CUL9: variants seen among roughly 807,000 people sequenced by gnomAD.
CUL9 encodes the protein cullin-9.
CUL9 carries 79 observed loss-of-function variants against 272.6 expected under a neutral mutation model. That is an observed-to-expected ratio of 0.29 (90% confidence interval 0.24 to 0.35). CUL9 has a LOEUF of 0.35. CUL9 is among the 10% of genes least tolerant of loss of function. CUL9 has a pLI of 1.00. For synonymous variants in CUL9, 1,186 were observed against 1,286.5 expected (o/e 0.92, Z 1.67); for missense variants, 2,532 against 3,255.6 (o/e 0.78, Z 5.41).
intron 26 of CUL9, among the ~76,000 whole-genome samples, chr6:43,211,410 T>C (rs1265326748): frequency 1.3e-5 from 2 of 151,862 alleles, no homozygotes; most frequent in East Asian, 3.9e-4. Context: ...ATACAAAAAT[T>C]AGCCAGGCCT....
Position 43,216,506 on chromosome 6 carries a change from G to A in CUL9, c.6282+3G>A. 6.3e-7 allele frequency: 1 copy of A among 1,578,530 alleles called. No individual in the cohort carries two copies. Among genetic ancestry groups the A allele is most frequent in the South Asian group, 1.1e-5 (1 of 87,736 alleles). On this transcript the variant is annotated splice_donor_region_variant and intron_variant, in intron 31 of 40. Transcript: ENST00000252050. ...GCTGCATGCACTATTGCTGTAAGGT[G>A]AGGCCCCACCAGCATTGCTCCTGCC...
chr6:43,224,450 G>C lies in CUL9; in HGVS notation c.*5G>C. ...GAAGATGAGGCCTATGACTGAGGGG[G>C]CAGATGCAGGAAACACCTAGAGCAG... On this transcript the variant is annotated 3_prime_UTR_variant, in exon 41 of 41. Transcript: ENST00000252050. The surrounding 1 kb of genome is among the most constrained non-coding windows in gnomAD (Gnocchi z 4.2). 6.2e-7 allele frequency: 1 copy of C among 1,611,676 alleles called. No homozygotes were observed. The highest frequency in any genetic ancestry group is 8.5e-7 in the Non-Finnish European group (1 of 1,178,932).
At chr6:43,185,868 ATTT>A in intron 3 of CUL9, 84 bp from the exon 4 acceptor site, 2 of 1,499,080 alleles carry the variant, frequency 1.3e-6, no homozygotes, top group South Asian at 2.7e-5. Flanking sequence ...AGGCCTTTAT[ATTT>A]TTCTGTAGAG....
Position 43,216,434 on chromosome 6 carries a change from C to T in CUL9, c.6213C>T (p.Pro2071=), listed in dbSNP as rs201156063. 126 of 1,612,342 alleles carry T rather than the reference C, an allele frequency of 7.8e-5. No homozygotes were observed. In the East Asian group the frequency reaches 2.0e-3, roughly 26 times the overall value. ...QAVPVRPDHC[P]VCVSPLGCDD... is the part of the protein sequence containing the mutation. Reference sequence around the variant, plus strand: ...TACCCGTACGGCCTGACCACTGCCCCGTCTGTGTGAGCCCCCTGGGGTGTG... The same window carrying T: ...TACCCGTACGGCCTGACCACTGCCCTGTCTGTGTGAGCCCCCTGGGGTGTG... Residue 2071 remains proline, a synonymous_variant, in exon 31 of 41, where the codon CCC becomes CCT. Transcript: ENST00000252050.
At chr6:43,212,913 T>C (rs1775634614) in intron 26 of CUL9, 1 of 475,658 alleles carries the variant, frequency 2.1e-6, no homozygotes, top group Non-Finnish European at 3.7e-6. Flanking sequence ...GGAACCTGCC[T>C]GGCTCAGGGC....
Position 43,196,127 on chromosome 6 carries a change from G to C in CUL9, c.2447G>C (p.Arg816Pro), listed in dbSNP as rs556153225. The change falls in exon 10 of 41, where the codon CGA becomes CCA. Residue 816 changes from arginine (R) to proline (P), a missense_variant. Coordinates refer to ENST00000252050, the MANE Select transcript of CUL9 (RefSeq NM_015089.4). ...GAGATCCCCACTTTTGTTACTGGCCGAGATTCTATCCACTCTTTGTTTGAT... is the reference window on the plus strand; with the variant it reads ...GAGATCCCCACTTTTGTTACTGGCCCAGATTCTATCCACTCTTTGTTTGAT... ...SSEIPTFVTG[R>P]DSIHSLFDAQ... is the part of the protein sequence containing the mutation. 3 of 1,614,104 alleles carry C rather than the reference G, an allele frequency of 1.9e-6. No individual in the cohort carries two copies. Among genetic ancestry groups the C allele is most frequent in the Non-Finnish European group, 2.5e-6 (3 of 1,179,994 alleles).
rs372129868 is a variant in CUL9 at position 43,224,236 on chromosome 6, G to T, written c.7359-14G>T. ...GGCAGCCTCCTCTGGGCTGAGTGTG[G>T]TGGCTCTCCCTAGGCCCCAGGCCTC... On this transcript the variant is annotated splice_polypyrimidine_tract_variant and intron_variant, in intron 40 of 40. Coordinates refer to ENST00000252050, the MANE Select transcript of CUL9 (RefSeq NM_015089.4). This position sits in a 1 kb window ranked among gnomAD's most constrained non-coding sequence, Gnocchi z 4.2. 2 of 1,614,164 alleles carry T rather than the reference G, an allele frequency of 1.2e-6. No homozygotes were observed. The highest frequency in any genetic ancestry group is 3.3e-5 in the Admixed American group (2 of 60,026).
intron 10 of CUL9, 122 bp from the exon 11 acceptor site, chr6:43,196,523 C>T: frequency 1.0e-6 from 1 of 961,760 alleles, no homozygotes; most frequent in Non-Finnish European, 1.7e-6. Context: ...ATCAGATGTC[C>T]TGGCTCAGAG....
Position 43,222,369 on chromosome 6 carries a change from C to T in CUL9, c.6900C>T (p.Cys2300=). ...EKRFQDYNER[C]TFHHQAREFA... is the part of the protein sequence containing the mutation. ...GGTTTCAGGACTATAATGAGAGGTGCACTTTCCATCACCAGGCGCGGGTGA... is the reference window on the plus strand; with the variant it reads ...GGTTTCAGGACTATAATGAGAGGTGTACTTTCCATCACCAGGCGCGGGTGA... The change falls in exon 36 of 41, where the codon TGC becomes TGT. Residue 2300 remains cysteine (C), a synonymous_variant. Coordinates refer to ENST00000252050, the MANE Select transcript of CUL9 (RefSeq NM_015089.4). 6.2e-7 allele frequency: 1 copy of T among 1,613,556 alleles called. No individual in the cohort carries two copies. The highest frequency in any genetic ancestry group is 1.1e-5 in the South Asian group (1 of 91,062).
intron 8 of CUL9, among the ~76,000 whole-genome samples, chr6:43,191,299 GT>G (rs887459803): frequency 2.5e-4 from 28 of 111,262 alleles, no homozygotes; most frequent in South Asian, 7.8e-4. Flanking sequence ...TGTGCGTGTT[GT>G]TTTTTTTTTT....
chr6:43,191,879 C>A (rs1320908333), intron 8 of CUL9, among the ~76,000 whole-genome samples: 1 of 151,632 alleles, frequency 6.6e-6, no homozygotes, highest in Non-Finnish European at 1.5e-5. Context: ...GTCACTGTGC[C>A]CAGACAACAT....
chr6:43,187,125 G>A (rs1317290639), intron 5 of CUL9, 30 bp downstream of exon 5: 2 of 1,612,188 alleles, frequency 1.2e-6, no homozygotes, highest in African/African-American at 2.7e-5. Context: ...TGGATAGCAT[G>A]TCTCTGAACA....
Position 43,186,318 on chromosome 6 carries a change from C to T in CUL9, c.1114C>T (p.Arg372Cys), listed in dbSNP as rs776630183. The part of the protein sequence containing the change: ...VFRQRSEFSS[R>C]SGYGEYVQQT... ...CCGCCAGCGCTCTGAATTCTCCAGC[C>T]GTAGTGGCTATGGAGAATATGTGCA... Residue 372 changes from arginine to cysteine, a missense_variant, in exon 4 of 41, where the codon CGT becomes TGT. Around this residue, in one of 3 missense-constraint regions of CUL9, gnomAD observed 2,218 missense variants for 2,788.6 expected, o/e 0.80. Coordinates refer to ENST00000252050, the MANE Select transcript of CUL9 (RefSeq NM_015089.4). 55 of 1,614,086 alleles carry T rather than the reference C, an allele frequency of 3.4e-5. No individual in the cohort carries two copies. Among genetic ancestry groups the T allele is most frequent in the Non-Finnish European group, 4.1e-5 (48 of 1,180,060 alleles).
chr6:43,183,736 T>TCCTC (rs1772652142), intron 1 of CUL9, among the ~76,000 whole-genome samples: 2 of 144,334 alleles, frequency 1.4e-5, no homozygotes, highest in South Asian at 2.2e-4. Flanking sequence ...CTTCCTTCCT[T>TCCTC]CCTCTCTCTC....
chr6:43,215,263 G>T lies in CUL9; in HGVS notation c.5873G>T (p.Gly1958Val), dbSNP rs765640123. 3 of 1,613,982 alleles carry T rather than the reference G, an allele frequency of 1.9e-6. No individual in the cohort carries two copies. Among genetic ancestry groups the T allele is most frequent in the African/African-American group, 1.3e-5 (1 of 74,936 alleles). ...ILMYAAPEPM[G>V]PCRGQADVPF... ...ATGTATGCCGCTCCAGAGCCCATGG[G>T]GCCCTGCCGGGGTCAGGCAGATGTC... Residue 1958 changes from glycine (G) to valine (V), a missense_variant, in exon 30 of 41, where the codon GGG (glycine) becomes GTG (valine). By Grantham distance (109) the Gly-to-Val change is moderately radical (BLOSUM62 -3). Around this residue, in one of 3 missense-constraint regions of CUL9, gnomAD observed 2,218 missense variants for 2,788.6 expected, o/e 0.80. Transcript: ENST00000252050.
chr6:43,222,707 C>T (rs1236089321), intron 37 of CUL9, 66 bp downstream of exon 37: 14 of 1,604,362 alleles, frequency 8.7e-6, no homozygotes, highest in Non-Finnish European at 1.2e-5. Context: ...GGCTTGGCTG[C>T]TTTCATCGGA....
rs760915690 is a variant in CUL9 at position 43,187,202 on chromosome 6, C to A, written c.1388-44C>A. On this transcript the variant is annotated intron_variant, in intron 5 of 40. Transcript: ENST00000252050. ...AGCCCTAGGGGTCCAGAAATAGACCCCATTCCTGAGGGGTGCTGATGCCCG... is the reference window on the plus strand; with the variant it reads ...AGCCCTAGGGGTCCAGAAATAGACCACATTCCTGAGGGGTGCTGATGCCCG... 2.2e-5 allele frequency: 35 copies of A among 1,607,436 alleles called. No homozygotes were observed. The Admixed American group carries it at 4.9e-4, about 22-fold the overall frequency.
At chr6:43,196,920 A>G (rs2150560081) in intron 11 of CUL9, 58 bp downstream of exon 11, 1 of 1,381,744 alleles carries the variant, frequency 7.2e-7, no homozygotes, top group Non-Finnish European at 1.0e-6. Flanking sequence ...CCAGGTTTAC[A>G]TATCAGCTCC....
In CUL9 at chr6:43,222,341, A is replaced by G. The variant is rs142120248; in HGVS notation, c.6872A>G (p.Lys2291Arg). The G allele has an allele frequency of 2.0e-5, 32 of 1,613,558 alleles. No individual in the cohort carries two copies. The African/African-American group carries it at 4.0e-4, about 20-fold the overall frequency. Residue 2291 changes from lysine to arginine, a missense_variant, in exon 36 of 41, where the codon AAG becomes AGG. Lys to Arg is a conservative substitution (Grantham distance 26). Around this residue, in one of 3 missense-constraint regions of CUL9, gnomAD observed 237 missense variants for 305.9 expected, o/e 0.77. Coordinates refer to ENST00000252050, the MANE Select transcript of CUL9 (RefSeq NM_015089.4). ...GTAAGCAAGGCAGCTCGCCAGGAGAAGCGGTTTCAGGACTATAATGAGAGG... is the reference window on the plus strand; with the variant it reads ...GTAAGCAAGGCAGCTCGCCAGGAGAGGCGGTTTCAGGACTATAATGAGAGG... ...AMVSKAARQE[K>R]RFQDYNERCT...
Sources: allele counts gnomAD v4.1 joint callset (sites outside exome capture counted in the v4.1 genomes callset), GRCh38; gene constraint gnomAD v4.1.1; regional missense constraint gnomAD v4.1.1; non-coding constraint Gnocchi (gnomAD v3.1); transcripts MANE v1.5; gene names NCBI Gene and HGNC (gene_info 2026-07-23, HGNC 2026-07-21).